Variants in SPTAN1 observed in about 807,000 individuals in gnomAD.
The protein encoded by SPTAN1 is spectrin alpha, non-erythrocytic 1, also known as spectrin alpha chain, non-erythrocytic 1.
Under a neutral mutation model 331.3 loss-of-function variants are expected in SPTAN1, and 61 were observed. The ratio of observed to expected loss-of-function variants is 0.18; its 90% CI spans 0.15 to 0.23. The LOEUF (loss-of-function observed/expected upper bound fraction) is 0.23, where lower values mean the gene tolerates loss of function less well. Ranked by LOEUF, SPTAN1 falls within the 10% of genes least tolerant of loss-of-function variation. The probability of loss-of-function intolerance (pLI) is 1.00; values close to 1 mark genes in which losing one functional copy is unlikely to be tolerated. For synonymous variants in SPTAN1, 1,153 were observed against 1,173.9 expected (o/e 0.98, Z 0.36); for missense variants, 2,043 against 3,147.9 (o/e 0.65, Z 8.40).
At chr9:128,587,488 G>A in intron 19 of SPTAN1, 118 bp from the exon 20 acceptor site, 1 of 792,532 alleles carries the variant, frequency 1.3e-6, no homozygotes, top group South Asian at 1.4e-5. Flanking sequence ...GGCAGGAGGT[G>A]ATTACGTCAT....
chr9:128,615,619 TC>T lies in SPTAN1; in HGVS notation c.5149-9del. The T allele has an allele frequency of 6.2e-7, 1 of 1,613,634 alleles. No homozygotes were observed. Among genetic ancestry groups the T allele is most frequent in the Non-Finnish European group, 8.5e-7 (1 of 1,180,022 alleles). On this transcript the variant is annotated splice_polypyrimidine_tract_variant and intron_variant, in intron 40 of 56. Transcript: ENST00000372739. ...AGACCCAGTTTCTGACCCTCTTATG[TC>T]CCCTGCCCCAGGATCGCCTGAAGGA... is the stretch of plus-strand genomic sequence containing the variant.
chr9:128,575,798 C>T (rs529891767), intron 5 of SPTAN1, among the ~76,000 whole-genome samples: 15 of 152,126 alleles, frequency 9.9e-5, no homozygotes, highest in African/African-American at 2.7e-4. Flanking sequence ...TCCACTCTGG[C>T]GCTGGAGCCC....
chr9:128,606,986 T>A (rs1204588586), intron 31 of SPTAN1, among the ~76,000 whole-genome samples: 2 of 152,044 alleles, frequency 1.3e-5, no homozygotes, highest in Non-Finnish European at 2.9e-5. Flanking sequence ...TAGGAATCCT[T>A]TATCTGCTTT....
Position 128,598,508 on chromosome 9 carries a change from G to C in SPTAN1, c.3519+4G>C. ...GGTGCAGGCTGTGCAACAACAGGTA[G>C]GTGTCTCCATCTTGGAGTGAGGCTC... On this transcript the variant is annotated splice_donor_region_variant and intron_variant, in intron 25 of 56. Transcript: ENST00000372739. 6.3e-7 allele frequency: 1 copy of C among 1,597,998 alleles called. No homozygotes were observed. Among genetic ancestry groups the C allele is most frequent in the Non-Finnish European group, 8.5e-7 (1 of 1,169,924 alleles).
rs540922784 is a variant in SPTAN1 at position 128,627,372 on chromosome 9, C to G, written c.6577-14C>G. On this transcript the variant is annotated splice_polypyrimidine_tract_variant and intron_variant, in intron 49 of 56. Coordinates refer to ENST00000372739, the MANE Select transcript of SPTAN1 (RefSeq NM_001130438.3). The surrounding 1 kb of genome is among the most constrained non-coding windows in gnomAD (Gnocchi z 4.9). ...CACAGCAGCGCACAGCATCTGCCCC[C>G]CTTTGGCCCTCAGGAGAGGGAGCTG... The G allele has an allele frequency of 4.4e-5, 68 of 1,549,620 alleles. No individual in the cohort carries two copies. Among genetic ancestry groups the G allele is most frequent in the Middle Eastern group, 3.4e-4 (2 of 5,954 alleles).
At chr9:128,615,974 G>A in intron 41 of SPTAN1, 134 bp downstream of exon 41, 1 of 932,852 alleles carries the variant, frequency 1.1e-6, no homozygotes, top group South Asian at 1.4e-5. Flanking sequence ...ACAGTCGTGG[G>A]ATGCCTCAGT....
At chr9:128,572,650 T>G (rs1177992347) in intron 3 of SPTAN1, among the ~76,000 whole-genome samples, 1 of 152,162 alleles carries the variant, frequency 6.6e-6, no homozygotes. Context: ...ATTTATTTGG[T>G]CCCCTAACTC....
In SPTAN1 at chr9:128,627,626, G is replaced by T; in HGVS notation, c.6689+128G>T. 1 of 995,362 alleles carries T rather than the reference G, an allele frequency of 1.0e-6. No individual in the cohort carries two copies. The highest frequency in any genetic ancestry group is 1.5e-6 in the Non-Finnish European group (1 of 646,098). The allele number at this position is 995,362 out of a possible 1,614,324, so 61.7% of individuals were successfully genotyped here. ...AGAGGCAGCCTGGGAATAAAGCTGG[G>T]CTGGCAACGCCTGGTCGGGCTCTGG... is the stretch of plus-strand genomic sequence containing the variant. On this transcript the variant is annotated intron_variant, in intron 50 of 56. Coordinates refer to ENST00000372739, the MANE Select transcript of SPTAN1 (RefSeq NM_001130438.3). This position sits in a 1 kb window ranked among gnomAD's most constrained non-coding sequence, Gnocchi z 4.9.
chr9:128,628,414 C>T (rs1859132290), intron 51 of SPTAN1: 1 of 348,946 alleles, frequency 2.9e-6, no homozygotes, highest in African/African-American at 2.1e-5. Context: ...ACTGACACCC[C>T]CTAAGTAGCT....
At chr9:128,585,022 T>TC (rs1852406814) in intron 18 of SPTAN1, among the ~76,000 whole-genome samples, 179 bp downstream of exon 18, 1 of 151,032 alleles carries the variant, frequency 6.6e-6, no homozygotes, top group Non-Finnish European at 1.5e-5. Context: ...TTTCTTTTTT[T>TC]TTTTTTTTTT....
chr9:128,594,092 ACACC>A lies in SPTAN1; in HGVS notation c.3216-82_3216-79del, dbSNP rs1853900232. ...GTAGCCTGGAATCCACATCTTGGAG[ACACC>A]TCGTGGTTTGCCTTTATGTTAGCAT... is the stretch of plus-strand genomic sequence containing the variant. On this transcript the variant is annotated intron_variant, in intron 23 of 56. Coordinates refer to ENST00000372739, the MANE Select transcript of SPTAN1 (RefSeq NM_001130438.3). The A allele has an allele frequency of 9.2e-6, 12 of 1,303,404 alleles. No individual in the cohort carries two copies. The Admixed American group carries it at 1.7e-4, about 19-fold the overall frequency. The allele number at this position is 1,303,404 out of a possible 1,614,324, so 80.7% of individuals were successfully genotyped here.
chr9:128,629,090 T>G lies in SPTAN1; in HGVS notation c.6707+1148T>G. ...CAGTGTGCTCTTGCCTCCCCTCCCT[T>G]TGGTGTATTCATTTGGTTTCTTTTC... On this transcript the variant is annotated intron_variant, in intron 51 of 56. Transcript: ENST00000372739. The surrounding 1 kb of genome is among the most constrained non-coding windows in gnomAD (Gnocchi z 4.9). 1 of 398,494 alleles carries G rather than the reference T, an allele frequency of 2.5e-6. No homozygotes were observed. Among genetic ancestry groups the G allele is most frequent in the Non-Finnish European group, 4.4e-6 (1 of 226,038 alleles). The allele number at this position is 398,494 out of a possible 1,614,324, so 24.7% of individuals were successfully genotyped here.
At chr9:128,553,563 G>A (rs1317763001) in intron 1 of SPTAN1, among the ~76,000 whole-genome samples, 1 of 152,178 alleles carries the variant, frequency 6.6e-6, no homozygotes, top group African/African-American at 2.4e-5. Context: ...GCTTCCCCTA[G>A]AACATCGCTT....
intron 4 of SPTAN1, 98 bp downstream of exon 4, chr9:128,574,913 G>A (rs998520546): frequency 3.9e-5 from 61 of 1,562,976 alleles, no homozygotes; most frequent in Non-Finnish European, 5.1e-5. Context: ...GCACAGATAC[G>A]GCCATTTTAA....
chr9:128,579,605 A>T, intron 9 of SPTAN1, 32 bp from the exon 10 acceptor site: 1 of 1,571,082 alleles, frequency 6.4e-7, no homozygotes, highest in South Asian at 1.1e-5. Context: ...GATGCTGGGC[A>T]CAAATCATGG....
chr9:128,619,098 T>TA (rs1857536424), intron 44 of SPTAN1, 95 bp downstream of exon 44: 1 of 1,563,870 alleles, frequency 6.4e-7, no homozygotes, highest in Non-Finnish European at 8.7e-7. Context: ...GCCCTGCTCT[T>TA]ACTAGGAGAG....
intron 22 of SPTAN1, among the ~76,000 whole-genome samples, chr9:128,592,457 T>C (rs1853659549): frequency 6.6e-6 from 1 of 152,068 alleles, no homozygotes; most frequent in Non-Finnish European, 1.5e-5. Flanking sequence ...GTATTTTTAG[T>C]AGAGATGGGG....
chr9:128,632,078 ACTGAG>A, intron 52 of SPTAN1, 44 bp from the exon 53 acceptor site: 1 of 1,596,046 alleles, frequency 6.3e-7, no homozygotes, highest in Non-Finnish European at 8.5e-7. Context: ...TGGGCTGGTG[ACTGAG>A]CTGAGGGCCC....
intron 37 of SPTAN1, 82 bp from the exon 38 acceptor site, chr9:128,611,632 C>A (rs1856573282): frequency 6.4e-7 from 1 of 1,556,084 alleles, no homozygotes; most frequent in Non-Finnish European, 8.8e-7. Context: ...GCTGCCACTC[C>A]CTGCCTCTGA....
Sources: gnomAD v4.1 joint callset for allele counts (sites outside exome capture counted in the v4.1 genomes callset) on GRCh38, gnomAD v4.1.1 for gene constraint, Gnocchi (gnomAD v3.1) non-coding constraint, MANE v1.5 for transcripts, NCBI Gene and HGNC (gene_info 2026-07-23, HGNC 2026-07-21) for gene names.